SEMA3A: variants seen among roughly 807,000 people sequenced by gnomAD.
SEMA3A encodes semaphorin 3A.
In SEMA3A, 29 loss-of-function variants were observed where a neutral mutation model predicts 97.9. The observed-to-expected ratio is 0.30, with a 90% CI of 0.22 to 0.40. The LOEUF is 0.40. Ranked by LOEUF, SEMA3A falls within the 10% of genes least tolerant of loss-of-function variation. SEMA3A has a pLI of 1.00. For missense variants in SEMA3A, 763 were observed against 951.3 expected (o/e 0.80, Z 2.60); for synonymous variants, 321 against 323.7 (o/e 0.99, Z 0.09).
chr7:84,180,109 G>A (rs1406098104), intron 1 of SEMA3A, among the ~76,000 whole-genome samples: 1 of 150,546 alleles, frequency 6.6e-6, no homozygotes, highest in Non-Finnish European at 1.5e-5. Flanking sequence ...ACCATGCCCG[G>A]CTGATTTTGT....
At chr7:84,155,029 T>A (rs1371967204) in intron 1 of SEMA3A, among the ~76,000 whole-genome samples, 3 of 152,174 alleles carry the variant, frequency 2.0e-5, no homozygotes, top group Non-Finnish European at 2.9e-5. Flanking sequence ...CTTTGAGAGC[T>A]GTGGAATCCT....
chr7:84,161,040 A>T (rs1797015315), intron 1 of SEMA3A, among the ~76,000 whole-genome samples: 1 of 152,064 alleles, frequency 6.6e-6, no homozygotes, highest in African/African-American at 2.4e-5. Flanking sequence ...TTGTTGCATG[A>T]GTAGAAGAGG....
intron 5 of SEMA3A, among the ~76,000 whole-genome samples, chr7:84,051,314 T>A (rs1468720870): frequency 6.6e-6 from 1 of 152,196 alleles, no homozygotes; most frequent in African/African-American, 2.4e-5. Context: ...ATGGCCATTT[T>A]CACGATATTG....
At chr7:84,306,596 A>G (rs2115846207) in intron 3 of SEMA3A, 1 of 152,302 alleles carries the variant, frequency 6.6e-6, no homozygotes, top group Non-Finnish European at 1.5e-5. Flanking sequence ...ATACAATGAA[A>G]TGAATCCTGA....
intron 15 of SEMA3A, among the ~76,000 whole-genome samples, chr7:83,968,605 T>G (rs1049342512): frequency 1.2e-4 from 18 of 152,134 alleles, no homozygotes; most frequent in African/African-American, 1.7e-4. Flanking sequence ...TGGTAAATAT[T>G]CTTGCCGCAT....
At chr7:84,324,304 A>C (rs1801723982) in intron 2 of SEMA3A, among the ~76,000 whole-genome samples, 1 of 152,204 alleles carries the variant, frequency 6.6e-6, no homozygotes, top group East Asian at 1.9e-4. Context: ...CTTCCATTCA[A>C]ATCTTGTTCA....
intron 2 of SEMA3A, among the ~76,000 whole-genome samples, chr7:84,308,677 C>T (rs73711513): frequency 0.018 from 2,684 of 152,144 alleles, 78 homozygotes; most frequent in African/African-American, 0.062. Context: ...CAGAGAATAT[C>T]TACTGATGTC....
intron 1 of SEMA3A, among the ~76,000 whole-genome samples, chr7:84,148,419 T>C (rs182415697): frequency 5.3e-5 from 8 of 152,240 alleles, no homozygotes; most frequent in African/African-American, 1.9e-4. Flanking sequence ...TGTTGAAAAC[T>C]AACGAATTCA....
intron 4 of SEMA3A, among the ~76,000 whole-genome samples, chr7:84,070,290 C>T (rs770487929): frequency 4.6e-5 from 7 of 152,092 alleles, no homozygotes; most frequent in Non-Finnish European, 7.4e-5. Flanking sequence ...CACTCTCTCC[C>T]CTTTGTCTTT....
intron 1 of SEMA3A, among the ~76,000 whole-genome samples, chr7:84,445,502 A>G (rs1402242302): frequency 3.6e-5 from 5 of 138,374 alleles, no homozygotes; most frequent in Admixed American, 3.6e-4. Context: ...TCAAAAAAAA[A>G]AAAAAAAAAA....
At chr7:84,052,873 C>T (rs1477306000) in intron 5 of SEMA3A, among the ~76,000 whole-genome samples, 1 of 151,646 alleles carries the variant, frequency 6.6e-6, no homozygotes, top group African/African-American at 2.4e-5. Context: ...TCCCTCTACA[C>T]ATCACTTTGA....
intron 2 of SEMA3A, among the ~76,000 whole-genome samples, chr7:84,331,687 G>T (rs535821136): frequency 8.2e-4 from 124 of 152,118 alleles, no homozygotes; most frequent in African/African-American, 2.8e-3. Flanking sequence ...AGATCCAGAT[G>T]TGGCTGCTGC....
At chr7:84,152,027 A>C (rs1207113746) in intron 1 of SEMA3A, among the ~76,000 whole-genome samples, 1 of 149,426 alleles carries the variant, frequency 6.7e-6, no homozygotes, top group Non-Finnish European at 1.5e-5. Flanking sequence ...GCAATCATTA[A>C]AAAGTCAGGA....
At chr7:84,452,554 C>G (rs1258977235) in intron 1 of SEMA3A, among the ~76,000 whole-genome samples, 1 of 152,122 alleles carries the variant, frequency 6.6e-6, no homozygotes. Context: ...GCTTCTTTTC[C>G]AAACCTACAT....
intron 1 of SEMA3A, among the ~76,000 whole-genome samples, chr7:84,139,139 T>C (rs1441558722): frequency 4.6e-5 from 7 of 152,108 alleles, no homozygotes; most frequent in African/African-American, 9.6e-5. Flanking sequence ...AATTCAGTAA[T>C]GTGAAATGTG....
chr7:84,029,092 G>A (rs1020605570), intron 6 of SEMA3A, among the ~76,000 whole-genome samples: 1 of 152,156 alleles, frequency 6.6e-6, no homozygotes, highest in Non-Finnish European at 1.5e-5. Context: ...ATGTTTCAAG[G>A]AAAGTGCTGG....
chr7:84,072,591 T>G (rs1329795956), intron 4 of SEMA3A, among the ~76,000 whole-genome samples: 1 of 152,198 alleles, frequency 6.6e-6, no homozygotes, highest in Non-Finnish European at 1.5e-5. Context: ...TGTAAGTCTT[T>G]GAAGCACTAA....
intron 1 of SEMA3A, among the ~76,000 whole-genome samples, chr7:84,465,949 T>G (rs948025924): frequency 1.3e-5 from 2 of 152,272 alleles, no homozygotes; most frequent in East Asian, 1.9e-4. Flanking sequence ...TTTTATTTCC[T>G]TATAATGGCT....
intron 15 of SEMA3A, among the ~76,000 whole-genome samples, chr7:83,972,654 T>G (rs1421300635): frequency 6.6e-6 from 1 of 152,100 alleles, no homozygotes; most frequent in Non-Finnish European, 1.5e-5. Flanking sequence ...ATTTTAATGG[T>G]ATGTGATCCT....
Sources: gnomAD v4.1 joint callset for allele counts (sites outside exome capture counted in the v4.1 genomes callset) on GRCh38, gnomAD v4.1.1 for gene constraint, MANE v1.5 for transcripts, NCBI Gene and HGNC (gene_info 2026-07-23, HGNC 2026-07-21) for gene names.